The following ANO3 variants were observed in gnomAD, a reference collection of about 807,000 sequenced individuals.
The protein encoded by ANO3 is anoctamin 3, also known as anoctamin-3.
Under a neutral mutation model 144.8 loss-of-function variants are expected in ANO3, and 99 were observed. That is an observed-to-expected ratio of 0.68 (90% CI 0.58 to 0.81). The LOEUF is 0.81. ANO3 is among the 30% of genes least tolerant of loss of function. The pLI is 0.00. For synonymous variants in ANO3, 414 were observed against 392.6 expected (o/e 1.05, Z -0.64); for missense variants, 905 against 1,202.2 (o/e 0.75, Z 3.66).
At chr11:26,355,645 C>T (rs111653536) in intron 1 of ANO3, among the ~76,000 whole-genome samples, 4,769 of 151,608 alleles carry the variant, frequency 0.031, 226 homozygotes, top group African/African-American at 0.1. Context: ...CTGCAACCTC[C>T]GCCTCCCAGA....
chr11:26,407,038 A>ATATATATATATATATG (rs1857298995), intron 1 of ANO3, among the ~76,000 whole-genome samples: 1 of 114,592 alleles, frequency 8.7e-6, no homozygotes, highest in African/African-American at 3.1e-5. Context: ...GTGTGTGTAT[A>ATATATATATATATATG]TATATATGGG....
intron 1 of ANO3, among the ~76,000 whole-genome samples, chr11:26,400,502 A>G (rs1857120633): frequency 6.6e-6 from 1 of 152,044 alleles, no homozygotes; most frequent in Admixed American, 6.6e-5. Flanking sequence ...TTTCTTTTGC[A>G]TATTACCTTC....
chr11:26,386,646 G>A (rs1856742422), intron 1 of ANO3, among the ~76,000 whole-genome samples: 1 of 152,170 alleles, frequency 6.6e-6, no homozygotes, highest in South Asian at 2.1e-4. Context: ...TTTGTGCCAA[G>A]AATGTAGGAG....
chr11:26,574,639 A>T (rs533956364), intron 14 of ANO3, among the ~76,000 whole-genome samples: 3 of 152,272 alleles, frequency 2.0e-5, no homozygotes, highest in African/African-American at 7.2e-5. Context: ...CGGCTGGGAA[A>T]TGTATTTGGG....
At chr11:26,319,454 C>T (rs1854707193) in intron 1 of ANO3, among the ~76,000 whole-genome samples, 1 of 152,152 alleles carries the variant, frequency 6.6e-6, no homozygotes. Flanking sequence ...CCATCATTAA[C>T]TATATCGTTG....
intron 1 of ANO3, among the ~76,000 whole-genome samples, chr11:26,272,007 T>A (rs1371041809): frequency 6.6e-6 from 1 of 152,084 alleles, no homozygotes; most frequent in Non-Finnish European, 1.5e-5. Context: ...CCATAGCCAG[T>A]TCCTGCTGCT....
chr11:26,609,281 A>G (rs944363958), intron 17 of ANO3, among the ~76,000 whole-genome samples: 1 of 152,112 alleles, frequency 6.6e-6, no homozygotes, highest in Non-Finnish European at 1.5e-5. Context: ...GTCTGATGAG[A>G]GAACTTGGAT....
At chr11:26,578,032 G>A (rs1204537452) in intron 14 of ANO3, among the ~76,000 whole-genome samples, 1 of 152,144 alleles carries the variant, frequency 6.6e-6, no homozygotes, top group African/African-American at 2.4e-5. Context: ...AGTATGTCGT[G>A]GGAGCACATG....
chr11:26,257,621 T>C (rs1341848301), intron 1 of ANO3, among the ~76,000 whole-genome samples: 6 of 152,156 alleles, frequency 3.9e-5, no homozygotes, highest in Non-Finnish European at 8.8e-5. Context: ...TAAAGTACCA[T>C]AAAATGCAAG....
intron 18 of ANO3, among the ~76,000 whole-genome samples, chr11:26,632,592 A>G (rs10835032): frequency 0.35 from 51,653 of 147,624 alleles, 9,616 homozygotes; most frequent in South Asian, 0.48. Context: ...TTATATATAT[A>G]TAATATATGT....
chr11:26,452,592 A>C (rs1383459880), intron 3 of ANO3, among the ~76,000 whole-genome samples: 2 of 152,250 alleles, frequency 1.3e-5, no homozygotes, highest in Non-Finnish European at 2.9e-5. Flanking sequence ...AAAAGACCAA[A>C]TCTACATCTG....
intron 1 of ANO3, among the ~76,000 whole-genome samples, chr11:26,248,110 C>A (rs181907635): frequency 6.6e-6 from 1 of 151,792 alleles, no homozygotes; most frequent in East Asian, 2.0e-4. Context: ...GAGGCCCAGG[C>A]GGGCGAATCA....
At chr11:26,486,044 T>A (rs971585462) in intron 4 of ANO3, among the ~76,000 whole-genome samples, 1 of 151,158 alleles carries the variant, frequency 6.6e-6, no homozygotes, top group Non-Finnish European at 1.5e-5. Flanking sequence ...ATAAAGCAAA[T>A]ATTCCTTATG....
At chr11:26,576,731 C>T (rs543628992) in intron 14 of ANO3, among the ~76,000 whole-genome samples, 2 of 152,260 alleles carry the variant, frequency 1.3e-5, no homozygotes, top group South Asian at 2.1e-4. Context: ...TATCTAGTCC[C>T]ATACTAGAAA....
intron 1 of ANO3, among the ~76,000 whole-genome samples, chr11:26,352,391 T>C (rs908164279): frequency 3.3e-5 from 5 of 152,178 alleles, no homozygotes; most frequent in African/African-American, 4.8e-5. Flanking sequence ...TTTTAAAATA[T>C]ATTTTATTTT....
At chr11:26,575,614 G>A (rs1590573286) in intron 14 of ANO3, among the ~76,000 whole-genome samples, 1 of 151,866 alleles carries the variant, frequency 6.6e-6, no homozygotes, top group South Asian at 2.1e-4. Flanking sequence ...TAACCTTTAC[G>A]ACTATTTAAA....
intron 1 of ANO3, among the ~76,000 whole-genome samples, chr11:26,255,435 T>C (rs1853034473): frequency 6.6e-6 from 1 of 152,172 alleles, no homozygotes; most frequent in South Asian, 2.1e-4. Flanking sequence ...GTATGGAACA[T>C]TGATGGCAGA....
intron 13 of ANO3, 32 bp from the exon 14 acceptor site, chr11:26,559,687 A>G: frequency 6.6e-7 from 1 of 1,520,430 alleles, no homozygotes; most frequent in Non-Finnish European, 9.1e-7. Context: ...ATCAATTTGC[A>G]TGACTAATAT....
chr11:26,543,959 G>A (rs868511509), intron 11 of ANO3, among the ~76,000 whole-genome samples: 18 of 151,690 alleles, frequency 1.2e-4, no homozygotes, highest in African/African-American at 4.3e-4. Flanking sequence ...GGTATGTTCA[G>A]AACCAAGATG....
Sources: gnomAD v4.1 joint callset for allele counts (sites outside exome capture counted in the v4.1 genomes callset) on GRCh38, gnomAD v4.1.1 for gene constraint, MANE v1.5 for transcripts, NCBI Gene and HGNC (gene_info 2026-07-23, HGNC 2026-07-21) for gene names.